Variants in RPS6KA6 observed in about 807,000 individuals in gnomAD.
The protein encoded by RPS6KA6 is ribosomal protein S6 kinase A6, also known as ribosomal protein S6 kinase alpha-6.
Under a neutral mutation model 65.4 loss-of-function variants are expected in RPS6KA6, and 27 were observed. The ratio of observed to expected loss-of-function variants is 0.41; its 90% confidence interval spans 0.30 to 0.57. The LOEUF (loss-of-function observed/expected upper bound fraction) is 0.57. Ranked by LOEUF, RPS6KA6 falls within the 20% of genes least tolerant of loss-of-function variation. RPS6KA6 has a pLI of 0.24. For synonymous variants in RPS6KA6, 190 were observed against 184.2 expected, an observed-to-expected ratio of 1.03 and a Z score of -0.26; for missense variants, 486 against 555.6, an observed-to-expected ratio of 0.87 and a Z score of 1.26.
chrX:84,161,104 A>G (rs1325262662), intron 2 of RPS6KA6, among the ~76,000 whole-genome samples: 1 of 111,391 alleles, frequency 9.0e-6, no homozygotes, highest in Non-Finnish European at 1.9e-5. Context: ...CAAAACATCC[A>G]TAAAAATTGA....
chrX:84,134,742 G>C, intron 8 of RPS6KA6, 40 bp downstream of exon 8: 1 of 891,105 alleles, frequency 1.1e-6, no homozygotes, highest in South Asian at 2.5e-5. Context: ...TAAAAAATAT[G>C]AATCAAGTGG....
chrX:84,064,971 C>T lies in RPS6KA6; in HGVS notation c.2112G>A (p.Lys704=). Residue 704 remains lysine (K), a splice_region_variant and synonymous_variant, in exon 21 of 22, where the codon AAG becomes AAA. Transcript: ENST00000262752. ...PKRNDVSHVV[K]GAMVATYSAL... ...GCACATAAAAGTATGTTTGTTTTACCTTAACAACATGTGACACATCATTTC... is the reference window on the plus strand; with the variant it reads ...GCACATAAAAGTATGTTTGTTTTACTTTAACAACATGTGACACATCATTTC... 1 of 1,203,690 alleles carries T rather than the reference C, an allele frequency of 8.3e-7. No homozygotes were observed. The highest frequency in any genetic ancestry group is 3.0e-5 in the East Asian group (1 of 33,688).
chrX:84,078,450 CA>C (rs747074645), intron 20 of RPS6KA6, among the ~76,000 whole-genome samples: 3,291 of 102,200 alleles, frequency 0.032, 141 homozygotes, highest in Admixed American at 0.18. Flanking sequence ...GGTATTTATA[CA>C]AAAAAAAAAG....
chrX:84,180,563 A>G (rs1180431783), intron 1 of RPS6KA6, among the ~76,000 whole-genome samples: 1 of 111,845 alleles, frequency 8.9e-6, no homozygotes, highest in East Asian at 2.8e-4. Context: ...CAATAGAGTA[A>G]TTCCTTATTT....
intron 20 of RPS6KA6, among the ~76,000 whole-genome samples, chrX:84,095,690 T>C (rs1376430807): frequency 8.9e-6 from 1 of 112,063 alleles, no homozygotes; most frequent in Non-Finnish European, 1.9e-5. Context: ...ATGTGGCTAC[T>C]AGAAATTTTT....
chrX:84,187,825 G>A lies in RPS6KA6; in HGVS notation c.75C>T (p.Ser25=). The A allele has an allele frequency of 8.3e-7, 1 of 1,203,711 alleles. No homozygotes were observed. ...TCTTGGCCACCACACTAACCTCGCC[G>A]CTGCTCGCGCCGCCGCCGCTGAACA... ...MEVFSGGGAS[S]GEVNGLKMVD... is the part of the protein sequence containing the mutation. The change falls in exon 1 of 22, where the codon AGC becomes AGT. Residue 25 remains serine (S), a synonymous_variant. Coordinates refer to ENST00000262752, the MANE Select transcript of RPS6KA6 (RefSeq NM_014496.5).
chrX:84,175,944 AG>A (rs1230343077), intron 1 of RPS6KA6, among the ~76,000 whole-genome samples: 2 of 111,579 alleles, frequency 1.8e-5, no homozygotes, highest in African/African-American at 6.5e-5. Flanking sequence ...AATAATATTT[AG>A]AACCAATTAA....
intron 6 of RPS6KA6, among the ~76,000 whole-genome samples, chrX:84,142,681 A>C (rs2035127205): frequency 9.0e-6 from 1 of 111,553 alleles, no homozygotes; most frequent in Admixed American, 9.5e-5. Context: ...ACAATTCCAC[A>C]ACTACAAAAA....
intron 6 of RPS6KA6, among the ~76,000 whole-genome samples, chrX:84,136,959 C>A (rs774909745): frequency 6.5e-4 from 73 of 111,939 alleles, no homozygotes; most frequent in African/African-American, 2.3e-3. Flanking sequence ...CCAGAAGCCA[C>A]TTCTGCCACA....
At chrX:84,120,125 T>G (rs2034640543) in intron 8 of RPS6KA6, 98 bp from the exon 9 acceptor site, 1 of 572,023 alleles carries the variant, frequency 1.7e-6, no homozygotes, top group Admixed American at 4.3e-5. Context: ...TACAATTATT[T>G]ATGGATGGCC....
chrX:84,095,105 A>C (rs1342796637), intron 20 of RPS6KA6, among the ~76,000 whole-genome samples: 1 of 111,873 alleles, frequency 8.9e-6, no homozygotes, highest in Non-Finnish European at 1.9e-5. Context: ...ACTAAGGTTA[A>C]GATCCAAGAA....
At chrX:84,064,448 T>A (rs1157559570) in intron 21 of RPS6KA6, 46 bp from the exon 22 acceptor site, 1 of 1,084,958 alleles carries the variant, frequency 9.2e-7, no homozygotes, top group African/African-American at 1.9e-5. Flanking sequence ...AATTCTGGAG[T>A]TAAAAAAAAA....
intron 20 of RPS6KA6, among the ~76,000 whole-genome samples, chrX:84,084,045 T>C (rs2033863146): frequency 8.9e-6 from 1 of 112,277 alleles, no homozygotes. Context: ...GTTCTTCTCC[T>C]TTGACAACTT....
rs1417706754 is a variant in RPS6KA6 at position 84,062,651 on chromosome X, A to C, written c.*1626T>G. ...ATAAGAATACATACTTTAATATATC[A>C]CACCCAGGAAACAGATATTTGTGCA... On this transcript the variant is annotated 3_prime_UTR_variant, in exon 22 of 22. Coordinates refer to ENST00000262752, the MANE Select transcript of RPS6KA6 (RefSeq NM_014496.5). 2 of 111,501 alleles carry C rather than the reference A, an allele frequency of 1.8e-5. No individual in the cohort carries two copies. The allele number at this position is 111,501 out of a possible 1,213,427, so 9.2% of individuals were successfully genotyped here.
intron 8 of RPS6KA6, among the ~76,000 whole-genome samples, chrX:84,125,984 G>T (rs1215903042): frequency 9.0e-6 from 1 of 111,503 alleles, no homozygotes; most frequent in African/African-American, 3.3e-5. Context: ...CTAAAAAAAT[G>T]GCATGAGTAA....
At position 84,147,136 on chromosome X, in the gene RPS6KA6, A is replaced by C; in HGVS notation, c.341-78T>G. ...AGAGTCCATCAATAATTTACCAAAC[A>C]ACAAATATAAAAATACAAAACGTAA... On this transcript the variant is annotated intron_variant, in intron 4 of 21. Transcript: ENST00000262752. 5.3e-6 allele frequency: 3 copies of C among 565,983 alleles called. No homozygotes were observed. In the South Asian group the frequency reaches 1.2e-4, roughly 23 times the overall value. The allele number at this position is 565,983 out of a possible 1,213,427, so 46.6% of individuals were successfully genotyped here.
At chrX:84,108,481 T>C (rs928730327) in intron 12 of RPS6KA6, among the ~76,000 whole-genome samples, 11 of 111,438 alleles carry the variant, frequency 9.9e-5, no homozygotes, top group Non-Finnish European at 1.9e-4. Context: ...AGAGAAGTGA[T>C]GGAATTGGGA....
In RPS6KA6 at chrX:84,182,036, GTCTCTCTC is replaced by G. The variant is rs66511596; in HGVS notation, c.81+5775_81+5782del. On this transcript the variant is annotated intron_variant, in intron 1 of 21. Transcript: ENST00000262752. ...TCTACTCCACCTTCCCTCTTTCTCT[GTCTCTCTC>G]TCTCTCTCTCTCTCTCTCTCACACA... is the stretch of plus-strand genomic sequence containing the variant. 5.0e-3 allele frequency among the ~76,000 whole-genome samples: 446 copies of G among 89,638 alleles called. 9 individuals are homozygous for G. The highest frequency in any genetic ancestry group is 0.016 in the African/African-American group (383 of 23,844). 77.8% of individuals were successfully genotyped at this position (89,638 alleles called of 115,157 possible).
Position 84,148,137 on chromosome X carries a change from G to T in RPS6KA6, c.259-14C>A. On this transcript the variant is annotated splice_polypyrimidine_tract_variant and intron_variant, in intron 3 of 21. Transcript: ENST00000262752. Reference sequence around the variant, plus strand: ...AACAAGAAAAACCTAATAGAAAATTGAACAAAAAAAAAAAGGAAAATTCAC... The same window carrying T: ...AACAAGAAAAACCTAATAGAAAATTTAACAAAAAAAAAAAGGAAAATTCAC... 4 of 1,018,362 alleles carry T rather than the reference G, an allele frequency of 3.9e-6. No individual in the cohort carries two copies. The highest frequency in any genetic ancestry group is 5.3e-6 in the Non-Finnish European group (4 of 754,796). The allele number at this position is 1,018,362 out of a possible 1,213,427, so 83.9% of individuals were successfully genotyped here. A position where few individuals can be genotyped will look rare whatever the true frequency, so the allele number is the denominator to read the frequency against.
Sources: allele counts gnomAD v4.1 joint callset (sites outside exome capture counted in the v4.1 genomes callset), GRCh38; gene constraint gnomAD v4.1.1; transcripts MANE v1.5; gene names NCBI Gene and HGNC (gene_info 2026-07-23, HGNC 2026-07-21).